Variants in TECPR2 observed in about 807,000 individuals in gnomAD.
The protein encoded by TECPR2 is tectonin beta-propeller repeat containing 2.
In TECPR2, 65 loss-of-function variants were observed where a neutral mutation model predicts 138.1. The observed-to-expected ratio is 0.47, with a 90% CI of 0.39 to 0.58. TECPR2 has a LOEUF of 0.58. TECPR2 is among the 20% of genes least tolerant of loss of function. The pLI is 0.00. For missense variants in TECPR2, 1,553 were observed against 1,824.5 expected (o/e 0.85, Z 2.71); for synonymous variants, 746 against 749.8 (o/e 0.99, Z 0.08).
Position 102,431,965 on chromosome 14 carries a change from C to T in TECPR2, c.1254C>T (p.Ser418=), listed in dbSNP as rs755291214. 23 of 1,612,946 alleles carry T rather than the reference C, an allele frequency of 1.4e-5. No homozygotes were observed. The highest frequency in any genetic ancestry group is 2.2e-5 in the East Asian group (1 of 44,878). ...SRSSSLNSTD[S]GSGLLPPGLQ... ...GCAGCTCGCTCAACTCCACCGACAG[C>T]GGCTCCGGGCTCCTGCCCCCTGGGC... is the stretch of plus-strand genomic sequence containing the variant. The change falls in exon 8 of 20, where the codon AGC becomes AGT. Residue 418 remains serine (S), a synonymous_variant. Coordinates refer to ENST00000359520, the MANE Select transcript of TECPR2 (RefSeq NM_014844.5).
At chr14:102,485,676 A>G (rs1891009786) in intron 17 of TECPR2, among the ~76,000 whole-genome samples, 1 of 152,012 alleles carries the variant, frequency 6.6e-6, no homozygotes, top group African/African-American at 2.4e-5. Context: ...CCCCAGTAAA[A>G]CCATGAGCGG....
intron 13 of TECPR2, among the ~76,000 whole-genome samples, chr14:102,448,250 G>C (rs942846512): frequency 4.6e-5 from 7 of 152,196 alleles, no homozygotes; most frequent in Non-Finnish European, 1.0e-4. Flanking sequence ...GTGAGCCACT[G>C]TGCCCGACCA....
intron 1 of TECPR2, among the ~76,000 whole-genome samples, chr14:102,367,576 A>G (rs1413295493): frequency 6.6e-6 from 1 of 152,158 alleles, no homozygotes; most frequent in Non-Finnish European, 1.5e-5. Flanking sequence ...TGTAGCATGA[A>G]TCAGTACTTC....
intron 2 of TECPR2, among the ~76,000 whole-genome samples, chr14:102,401,791 C>T (rs1390841344): frequency 4.3e-4 from 46 of 106,188 alleles, no homozygotes; most frequent in African/African-American, 1.6e-3. Flanking sequence ...TGCAAAAGAG[C>T]GAGACTCCGT....
At chr14:102,488,674 C>A (rs1445894337) in intron 17 of TECPR2, among the ~76,000 whole-genome samples, 2 of 151,906 alleles carry the variant, frequency 1.3e-5, no homozygotes, top group Non-Finnish European at 2.9e-5. Flanking sequence ...ATAATGGTCA[C>A]TGCACTTGTA....
intron 2 of TECPR2, among the ~76,000 whole-genome samples, chr14:102,396,171 C>T (rs1195176708): frequency 6.6e-6 from 1 of 150,562 alleles, no homozygotes; most frequent in African/African-American, 2.4e-5. Flanking sequence ...GGCGCGATCT[C>T]AGCTCATTGC....
In TECPR2 at chr14:102,452,422, C is replaced by T. The variant is rs1390723389; in HGVS notation, c.3435C>T (p.Ser1145=). ...GCTTCCTGTGGCTGTGCCAGAGCAG[C>T]AAGGACCTGTGCAGCGTCAGCGCCC... ...EGSFLWLCQS[S]KDLCSVSAQS... is the part of the protein sequence containing the mutation. Residue 1145 remains serine, a synonymous_variant, in exon 16 of 20, where the codon AGC becomes AGT. Transcript: ENST00000359520. The T allele has an allele frequency of 1.2e-6, 2 of 1,611,602 alleles. No homozygotes were observed. Among genetic ancestry groups the T allele is most frequent in the Non-Finnish European group, 8.5e-7 (1 of 1,177,992 alleles).
chr14:102,467,683 T>C (rs1792159179), intron 17 of TECPR2, among the ~76,000 whole-genome samples: 1 of 152,192 alleles, frequency 6.6e-6, no homozygotes, highest in Non-Finnish European at 1.5e-5. Flanking sequence ...CTCATATGTC[T>C]AATTTTTTAA....
intron 5 of TECPR2, among the ~76,000 whole-genome samples, chr14:102,421,009 C>T (rs1889165126): frequency 6.6e-6 from 1 of 152,176 alleles, no homozygotes; most frequent in Admixed American, 6.5e-5. Context: ...AGGACCTCAT[C>T]TTATTTATTT....
chr14:102,424,629 T>C (rs1388013508), intron 5 of TECPR2, among the ~76,000 whole-genome samples: 2 of 152,248 alleles, frequency 1.3e-5, no homozygotes, highest in African/African-American at 4.8e-5. Context: ...GCATCCAGCC[T>C]GAATACAATG....
intron 2 of TECPR2, among the ~76,000 whole-genome samples, chr14:102,403,796 G>A (rs1352603741): frequency 1.3e-5 from 2 of 152,020 alleles, no homozygotes; most frequent in Non-Finnish European, 2.9e-5. Flanking sequence ...AGAATAAGGA[G>A]GTGAAAGACT....
intron 16 of TECPR2, among the ~76,000 whole-genome samples, chr14:102,458,767 C>T (rs1320624457): frequency 1.3e-5 from 2 of 151,940 alleles, no homozygotes; most frequent in East Asian, 3.9e-4. Flanking sequence ...CGCACCTCCC[C>T]ACCAGACATT....
chr14:102,457,388 G>A (rs1163316345), intron 16 of TECPR2, among the ~76,000 whole-genome samples: 2 of 152,038 alleles, frequency 1.3e-5, no homozygotes, highest in Non-Finnish European at 2.9e-5. Context: ...CCTGACCCAA[G>A]AGACCTTTTA....
At chr14:102,462,926 A>G (rs1193262481) in intron 16 of TECPR2, among the ~76,000 whole-genome samples, 2 of 152,240 alleles carry the variant, frequency 1.3e-5, no homozygotes, top group African/African-American at 4.8e-5. Context: ...GAAGATATAC[A>G]GATGTCCATA....
In TECPR2 at chr14:102,415,243, T is replaced by A. The variant is rs918849946; in HGVS notation, c.638+450T>A. Among the ~76,000 whole-genome samples the A allele has an allele frequency of 6.6e-5, 10 of 152,160 alleles. No individual in the cohort carries two copies. The highest frequency in any genetic ancestry group is 2.4e-4 in the African/African-American group (10 of 41,438). ...AAACACGGCAGATCTGAGCCCTCCG[T>A]TGTGGAAATGGAAACACAGATAGAA... is the stretch of plus-strand genomic sequence containing the variant. On this transcript the variant is annotated intron_variant, in intron 5 of 19. Transcript: ENST00000359520. This position sits in a 1 kb window ranked among gnomAD's most constrained non-coding sequence, Gnocchi z 4.3.
intron 9 of TECPR2, chr14:102,436,945 A>G: frequency 1.0e-6 from 1 of 973,714 alleles, no homozygotes; most frequent in Middle Eastern, 5.3e-4. Context: ...CCAGAAATTT[A>G]GGAAAGCCCT....
chr14:102,462,178 A>G (rs1345953056), intron 16 of TECPR2, among the ~76,000 whole-genome samples: 1 of 152,216 alleles, frequency 6.6e-6, no homozygotes, highest in Non-Finnish European at 1.5e-5. Flanking sequence ...TGACTCTGTT[A>G]GCATGATCAC....
chr14:102,439,761 C>G (rs1057209139), intron 10 of TECPR2, among the ~76,000 whole-genome samples: 1 of 152,234 alleles, frequency 6.6e-6, no homozygotes, highest in African/African-American at 2.4e-5. Flanking sequence ...GACAGGCCCT[C>G]TAGTCCAGCC....
At chr14:102,403,603 A>C (rs1282164247) in intron 2 of TECPR2, among the ~76,000 whole-genome samples, 1 of 152,234 alleles carries the variant, frequency 6.6e-6, no homozygotes, top group African/African-American at 2.4e-5. Flanking sequence ...TTTGCAGATG[A>C]CATGATCTTG....
Sources: allele counts gnomAD v4.1 joint callset (sites outside exome capture counted in the v4.1 genomes callset), GRCh38; gene constraint gnomAD v4.1.1; non-coding constraint Gnocchi (gnomAD v3.1); transcripts MANE v1.5; gene names NCBI Gene and HGNC (gene_info 2026-07-23, HGNC 2026-07-21).